Variants in UPRT observed in about 807,000 individuals in gnomAD.
UPRT encodes the protein uracil phosphoribosyltransferase homolog.
A neutral mutation model predicts 22.6 loss-of-function variants in UPRT; 5 were observed. That is an observed-to-expected ratio of 0.22 (90% CI 0.12 to 0.47). UPRT has a LOEUF of 0.47. UPRT is among the 20% of genes least tolerant of loss of function. The pLI is 0.99. For synonymous variants in UPRT, 77 were observed against 87.7 expected (o/e 0.88, Z 0.68); for missense variants, 181 against 239.9 (o/e 0.75, Z 1.62).
Position 75,296,417 on chromosome X carries a change from T to C in UPRT, c.499+6T>C. ...CATGGTGACCACTCCAACAGGTAAC[T>C]AGGGCTGTTATTCTCAAATTTTCCT... On this transcript the variant is annotated splice_donor_region_variant and intron_variant, in intron 3 of 6. Transcript: ENST00000373383. The C allele has an allele frequency of 8.3e-7, 1 of 1,201,337 alleles. No homozygotes were observed. The highest frequency in any genetic ancestry group is 1.8e-5 in the South Asian group (1 of 55,997).
chrX:75,279,248 G>A (rs751044105), intron 1 of UPRT, among the ~76,000 whole-genome samples: 80 of 111,556 alleles, frequency 7.2e-4, no homozygotes, highest in Non-Finnish European at 1.4e-3. Context: ...ATCAACACTG[G>A]AGGAATCTCC....
At chrX:75,222,794 A>G (rs1164150024) in intron 4 of UPRT, among the ~76,000 whole-genome samples, 1 of 110,688 alleles carries the variant, frequency 9.0e-6, no homozygotes, top group Non-Finnish European at 1.9e-5. Context: ...AAGGCCTGGA[A>G]TCAGTGACTG....
chrX:75,176,857 G>T (rs932225400), intron 4 of UPRT, among the ~76,000 whole-genome samples: 1 of 111,075 alleles, frequency 9.0e-6, no homozygotes, highest in Non-Finnish European at 1.9e-5. Context: ...CAAACTGCAG[G>T]ATAGTATTGA....
chrX:75,276,084 C>T (rs1451098349), intron 1 of UPRT, among the ~76,000 whole-genome samples: 1 of 111,587 alleles, frequency 9.0e-6, no homozygotes, highest in Non-Finnish European at 1.9e-5. Flanking sequence ...TTTCTGCTCT[C>T]ATCTGGAATT....
At chrX:75,249,664 T>A (rs2082521309) in intron 4 of UPRT, among the ~76,000 whole-genome samples, 1 of 110,724 alleles carries the variant, frequency 9.0e-6, no homozygotes, top group Non-Finnish European at 1.9e-5. Context: ...GACAGAAAGT[T>A]AACAAGGGTC....
chrX:75,196,841 T>C (rs1167199190), intron 4 of UPRT, among the ~76,000 whole-genome samples: 1 of 110,912 alleles, frequency 9.0e-6, no homozygotes, highest in Non-Finnish European at 1.9e-5. Flanking sequence ...AGTGAGACTC[T>C]TTCTCAAAAA....
intron 4 of UPRT, among the ~76,000 whole-genome samples, chrX:75,230,612 A>T (rs1488864826): frequency 8.9e-6 from 1 of 112,151 alleles, no homozygotes; most frequent in Non-Finnish European, 1.9e-5. Flanking sequence ...GTCTGTCCAC[A>T]TGACAACTTG....
intron 1 of UPRT, among the ~76,000 whole-genome samples, chrX:75,278,339 G>A (rs902492200): frequency 8.9e-6 from 1 of 112,138 alleles, no homozygotes; most frequent in African/African-American, 3.2e-5. Context: ...AACATAATAT[G>A]TTGGTTGTAT....
In UPRT at chrX:75,184,104, T is replaced by A. The variant is rs900249997; in HGVS notation, c.-447+16225T>A. On this transcript the variant is annotated intron_variant, in intron 4 of 13. Transcript: ENST00000652605. ...TAGACCTGAAGTCCTTGCCCATGCC[T>A]ATGTCCTGAATGATAATGCCTAGGT... is the stretch of plus-strand genomic sequence containing the variant. Among the ~76,000 whole-genome samples, 3 of 111,910 alleles carry A rather than the reference T, an allele frequency of 2.7e-5. No homozygotes were observed. In the Admixed American group the frequency reaches 2.8e-4, roughly 11 times the overall value.
intron 4 of UPRT, among the ~76,000 whole-genome samples, chrX:75,233,685 A>G (rs1247659405): frequency 9.0e-6 from 1 of 111,301 alleles, no homozygotes; most frequent in Admixed American, 9.6e-5. Flanking sequence ...CCAGCCAAAC[A>G]AACTTCATAA....
intron 3 of UPRT, among the ~76,000 whole-genome samples, chrX:75,166,416 G>T (rs1037946622): frequency 3.7e-4 from 41 of 111,408 alleles, no homozygotes; most frequent in Middle Eastern, 4.6e-3. Context: ...ACACTTTCTG[G>T]AGAAGAGAAA....
intron 4 of UPRT, among the ~76,000 whole-genome samples, chrX:75,261,269 G>A (rs1212292457): frequency 2.7e-5 from 3 of 111,283 alleles, no homozygotes; most frequent in Admixed American, 1.9e-4. Context: ...AGAACTGAAA[G>A]AGATAGAGAT....
chrX:75,165,862 C>T (rs2082211893), intron 3 of UPRT, among the ~76,000 whole-genome samples: 1 of 110,953 alleles, frequency 9.0e-6, no homozygotes, highest in South Asian at 3.8e-4. Flanking sequence ...CTCAGCCTCC[C>T]AAAATGCTAG....
intron 4 of UPRT, among the ~76,000 whole-genome samples, chrX:75,218,045 A>G: frequency 8.9e-6 from 1 of 111,957 alleles, no homozygotes. Context: ...GTGGGATCTA[A>G]TTAAACTAAA....
intron 4 of UPRT, among the ~76,000 whole-genome samples, chrX:75,213,354 T>C (rs1313307796): frequency 8.9e-6 from 1 of 112,547 alleles, no homozygotes; most frequent in African/African-American, 3.2e-5. Flanking sequence ...GATATAAATG[T>C]GTCTCTTGAG....
intron 4 of UPRT, among the ~76,000 whole-genome samples, chrX:75,261,751 A>T (rs978864282): frequency 1.8e-5 from 2 of 112,013 alleles, no homozygotes; most frequent in African/African-American, 6.5e-5. Context: ...TCCCTGATGA[A>T]CATTGATGCG....
rs199554864 is a variant in UPRT, at chrX:75,183,207, G to A, written c.-447+15328G>A. Among the ~76,000 whole-genome samples, 9 of 109,742 alleles carry A rather than the reference G, an allele frequency of 8.2e-5. No individual in the cohort carries two copies. The East Asian group carries it at 2.3e-3, about 28-fold the overall frequency. On this transcript the variant is annotated intron_variant, in intron 4 of 13. Coordinates refer to the UPRT transcript ENST00000652605. ...CCCACGACAAGCCCTGGTGTGTGATGTTCCCCTTCCTGTGTCCAAGTGTTC... is the reference window on the plus strand; with the variant it reads ...CCCACGACAAGCCCTGGTGTGTGATATTCCCCTTCCTGTGTCCAAGTGTTC...
In UPRT at chrX:75,274,210, A is replaced by G; in HGVS notation, c.-45A>G. 8.6e-7 allele frequency: 1 copy of G among 1,161,175 alleles called. No individual in the cohort carries two copies. On this transcript the variant is annotated 5_prime_UTR_variant, in exon 1 of 7. Coordinates refer to ENST00000373383, the MANE Select transcript of UPRT (RefSeq NM_145052.4). ...CTGTCCTTTCTACCCGTTCCTCTTT[A>G]TCTTTAGTGTTCAGTAGCAGCGGGG...
chrX:75,198,555 T>A (rs933435883), intron 4 of UPRT, among the ~76,000 whole-genome samples: 3 of 112,187 alleles, frequency 2.7e-5, no homozygotes, highest in African/African-American at 9.7e-5. Context: ...TTTACTATTT[T>A]GTTTACTTTG....
Sources: allele counts gnomAD v4.1 joint callset (sites outside exome capture counted in the v4.1 genomes callset), GRCh38; gene constraint gnomAD v4.1.1; transcripts MANE v1.5; gene names NCBI Gene and HGNC (gene_info 2026-07-23, HGNC 2026-07-21).